Variants in SPHKAP observed in about 807,000 individuals in gnomAD.
SPHKAP encodes SPHK1 interactor, AKAP domain containing, also known as A-kinase anchor protein SPHKAP.
Under a neutral mutation model 137.5 loss-of-function variants are expected in SPHKAP, and 67 were observed. The observed-to-expected ratio is 0.49, with a 90% CI of 0.40 to 0.60. SPHKAP has a LOEUF of 0.60. Ranked by LOEUF, SPHKAP falls within the 20% of genes least tolerant of loss-of-function variation. The pLI, the probability that SPHKAP is intolerant of heterozygous loss-of-function variation, is 0.00. For synonymous variants in SPHKAP, 813 were observed against 785.3 expected (o/e 1.04, Z -0.59); for missense variants, 2,097 against 2,069.3 (o/e 1.01, Z -0.26).
At chr2:228,037,064 C>G (rs998520879) in intron 3 of SPHKAP, among the ~76,000 whole-genome samples, 1 of 151,890 alleles carries the variant, frequency 6.6e-6, no homozygotes, top group Admixed American at 6.6e-5. Context: ...AAATATTTTT[C>G]AGCTTATTGT....
intron 1 of SPHKAP, among the ~76,000 whole-genome samples, chr2:228,179,805 G>T (rs986407386): frequency 6.6e-6 from 1 of 152,188 alleles, no homozygotes. Flanking sequence ...CTGGCACAAT[G>T]TGTTTCTAGT....
At chr2:228,173,951 T>C (rs999782014) in intron 1 of SPHKAP, among the ~76,000 whole-genome samples, 1 of 152,258 alleles carries the variant, frequency 6.6e-6, no homozygotes, top group Non-Finnish European at 1.5e-5. Context: ...CTGCATGTTA[T>C]TGTTATTTTC....
chr2:228,011,645 T>A (rs1430390854), intron 7 of SPHKAP, among the ~76,000 whole-genome samples: 1 of 152,186 alleles, frequency 6.6e-6, no homozygotes, highest in African/African-American at 2.4e-5. Flanking sequence ...GGGGCTGCTG[T>A]TTTAGACAGG....
chr2:228,019,795 T>C lies in SPHKAP; in HGVS notation c.1059A>G (p.Val353=). ...GCTCTGCCACAGCACATGCAGAAGG[T>C]ACATCTTTATCCATCATGGAGAAAT... The part of the protein sequence containing the change: ...DAYFSMMDKD[V]PSACAVAEQR... Residue 353 remains valine, a synonymous_variant, in exon 7 of 12, where the codon GTA becomes GTG. Coordinates refer to ENST00000392056, the MANE Select transcript of SPHKAP (RefSeq NM_001142644.2). 1 of 1,614,086 alleles carries C rather than the reference T, an allele frequency of 6.2e-7. No homozygotes were observed.
chr2:228,065,289 A>G (rs1248990104), intron 3 of SPHKAP, among the ~76,000 whole-genome samples: 1 of 152,210 alleles, frequency 6.6e-6, no homozygotes, highest in East Asian at 1.9e-4. Flanking sequence ...GCCACAGACT[A>G]GTTTATTAGC....
At chr2:228,098,723 T>A (rs554477796) in intron 3 of SPHKAP, among the ~76,000 whole-genome samples, 5 of 148,866 alleles carry the variant, frequency 3.4e-5, no homozygotes, top group African/African-American at 7.5e-5. Context: ...GTAACTAACC[T>A]GCACGTTGTG....
intron 2 of SPHKAP, chr2:228,109,277 C>A: frequency 2.7e-6 from 2 of 739,646 alleles, no homozygotes; most frequent in Non-Finnish European, 3.3e-6. Flanking sequence ...GATCAAATTT[C>A]ATTTAGTGCT....
chr2:228,017,641 A>C lies in SPHKAP; in HGVS notation c.3213T>G (p.Ser1071Arg). The change falls in exon 7 of 12, where the codon AGT becomes AGG. Residue 1071 changes from serine to arginine, a missense_variant. Transcript: ENST00000392056. Reference sequence around the variant, plus strand: ...CCTTCAGCCGGCTCCACCTGTCGCCACTCAGTAACCGATTCCGGGGATAGC... The same window carrying C: ...CCTTCAGCCGGCTCCACCTGTCGCCCCTCAGTAACCGATTCCGGGGATAGC... ...AQGYPRNRLL[S>R]GDRWSRLKAS... 4 of 1,613,894 alleles carry C rather than the reference A, an allele frequency of 2.5e-6. No homozygotes were observed. Among genetic ancestry groups the C allele is most frequent in the Non-Finnish European group, 3.4e-6 (4 of 1,180,008 alleles).
In SPHKAP at chr2:228,021,970, A is replaced by G; in HGVS notation, c.442-4T>C. On this transcript the variant is annotated splice_region_variant and splice_polypyrimidine_tract_variant and intron_variant, in intron 5 of 11. Coordinates refer to ENST00000392056, the MANE Select transcript of SPHKAP (RefSeq NM_001142644.2). ...AGATATCTGGCAGCCAAGGGCACTA[A>G]AAGTGGAGAGAAAAGAAGGCATTTA... is the stretch of plus-strand genomic sequence containing the variant. 1 of 1,578,728 alleles carries G rather than the reference A, an allele frequency of 6.3e-7. No homozygotes were observed. The highest frequency in any genetic ancestry group is 1.2e-5 in the South Asian group (1 of 85,436).
intron 3 of SPHKAP, among the ~76,000 whole-genome samples, chr2:228,103,954 C>T (rs1698253625): frequency 6.6e-6 from 1 of 151,818 alleles, no homozygotes; most frequent in Non-Finnish European, 1.5e-5. Flanking sequence ...TATATATGTA[C>T]ATTTTCACAG....
chr2:228,002,345 T>A (rs1174774402), intron 7 of SPHKAP, among the ~76,000 whole-genome samples: 1 of 152,252 alleles, frequency 6.6e-6, no homozygotes, highest in African/African-American at 2.4e-5. Context: ...TTTTCACGTG[T>A]CTGTTGGCTG....
intron 3 of SPHKAP, among the ~76,000 whole-genome samples, chr2:228,105,754 T>C (rs536430808): frequency 5.6e-4 from 85 of 152,244 alleles, no homozygotes; most frequent in East Asian, 2.3e-3. Context: ...TTTTGCTTGG[T>C]TCTCATTTTC....
intron 7 of SPHKAP, among the ~76,000 whole-genome samples, chr2:227,999,058 A>C (rs1693746104): frequency 6.6e-6 from 1 of 152,222 alleles, no homozygotes; most frequent in Admixed American, 6.5e-5. Flanking sequence ...AAATTTAAAA[A>C]AGTTCTCATA....
At chr2:228,047,350 C>T (rs561408940) in intron 3 of SPHKAP, among the ~76,000 whole-genome samples, 124 of 151,890 alleles carry the variant, frequency 8.2e-4, no homozygotes, top group Non-Finnish European at 1.6e-3. Flanking sequence ...CCTGTAATCC[C>T]AGCTACTTGG....
chr2:228,118,518 C>T (rs890982030), intron 2 of SPHKAP, among the ~76,000 whole-genome samples: 1 of 151,996 alleles, frequency 6.6e-6, no homozygotes, highest in Non-Finnish European at 1.5e-5. Flanking sequence ...CTATCCTTGT[C>T]AGTACTCAGT....
chr2:228,063,699 A>G (rs1696737240), intron 3 of SPHKAP, among the ~76,000 whole-genome samples: 1 of 152,184 alleles, frequency 6.6e-6, no homozygotes, highest in Non-Finnish European at 1.5e-5. Flanking sequence ...TTGTTATGAC[A>G]AAGTGTTGTA....
In SPHKAP at chr2:228,149,835, A is replaced by G. The variant is rs374765604; in HGVS notation, c.33-17750T>C. ...GTCTAATAATGCATAATTTATCTGC[A>G]GATTATTTTTTTATTTTCTATGTAC... is the stretch of plus-strand genomic sequence containing the variant. On this transcript the variant is annotated intron_variant, in intron 1 of 11. Coordinates refer to ENST00000392056, the MANE Select transcript of SPHKAP (RefSeq NM_001142644.2). 6.3e-4 allele frequency among the ~76,000 whole-genome samples: 96 copies of G among 152,250 alleles called. 1 individual carries two copies. Among genetic ancestry groups the G allele is most frequent in the African/African-American group, 2.2e-3 (90 of 41,562 alleles).
At chr2:228,155,105 C>G (rs998098201) in intron 1 of SPHKAP, among the ~76,000 whole-genome samples, 1 of 152,170 alleles carries the variant, frequency 6.6e-6, no homozygotes, top group Middle Eastern at 3.4e-3. Context: ...CCTAGCTGTA[C>G]CTTTGCCCAA....
chr2:228,164,813 C>G (rs756964368), intron 1 of SPHKAP, among the ~76,000 whole-genome samples: 1 of 152,212 alleles, frequency 6.6e-6, no homozygotes, highest in Non-Finnish European at 1.5e-5. Context: ...TGCCAGAGCA[C>G]TCTTCCTCAT....
Sources: gnomAD v4.1 joint callset for allele counts (sites outside exome capture counted in the v4.1 genomes callset) on GRCh38, gnomAD v4.1.1 for gene constraint, MANE v1.5 for transcripts, NCBI Gene and HGNC (gene_info 2026-07-23, HGNC 2026-07-21) for gene names.